Variants in ST14 observed in about 807,000 individuals in gnomAD.
The protein encoded by ST14 is suppressor of tumorigenicity 14 protein.
A neutral mutation model predicts 96.5 loss-of-function variants in ST14; 40 were observed. That is an observed-to-expected ratio of 0.41 (90% CI 0.32 to 0.54). The LOEUF is 0.54. ST14 is among the 20% of genes least tolerant of loss of function. The pLI is 0.17. For missense variants in ST14, 1,066 were observed against 1,188.9 expected, an observed-to-expected ratio of 0.90 and a Z score of 1.52; for synonymous variants, 506 against 492.1, an observed-to-expected ratio of 1.03 and a Z score of -0.37.
At position 130,188,004 on chromosome 11, in the gene ST14, C is replaced by T; in HGVS notation, c.82-110C>T. On this transcript the variant is annotated intron_variant, in intron 1 of 18. Coordinates refer to ENST00000278742, the MANE Select transcript of ST14 (RefSeq NM_021978.4). This position sits in a 1 kb window ranked among gnomAD's most constrained non-coding sequence, Gnocchi z 5.4. ...AAGCCCCCTTCTTCTCACCCAAGCC[C>T]CTGCTTTCTTCTCCAAGCTGGACCT... 1 of 1,478,698 alleles carries T rather than the reference C, an allele frequency of 6.8e-7. No homozygotes were observed. The highest frequency in any genetic ancestry group is 1.2e-5 in the South Asian group (1 of 82,118). 91.6% of individuals were successfully genotyped at this position (1,478,698 alleles called of 1,614,324 possible).
chr11:130,191,633 T>G (rs536244479), intron 7 of ST14, among the ~76,000 whole-genome samples: 1 of 139,874 alleles, frequency 7.1e-6, no homozygotes, highest in Non-Finnish European at 1.5e-5. Context: ...GAGGTTGCAG[T>G]GAGCCGAGAT....
chr11:130,184,170 G>A (rs1459505841), intron 1 of ST14, among the ~76,000 whole-genome samples: 5 of 152,190 alleles, frequency 3.3e-5, no homozygotes, highest in African/African-American at 7.2e-5. Flanking sequence ...TGAAGGAGAC[G>A]GACACGGGCA....
At chr11:130,205,286 C>T (rs534149927) in intron 16 of ST14, among the ~76,000 whole-genome samples, 3 of 152,116 alleles carry the variant, frequency 2.0e-5, no homozygotes, top group Non-Finnish European at 4.4e-5. Context: ...GCCACCTTGC[C>T]CGGCTAAATT....
At chr11:130,184,029 G>A (rs1314053913) in intron 1 of ST14, among the ~76,000 whole-genome samples, 1 of 152,216 alleles carries the variant, frequency 6.6e-6, no homozygotes, top group Non-Finnish European at 1.5e-5. Context: ...GAAGCCAGAT[G>A]GAAGAGTGCA....
chr11:130,196,745 G>T (rs371365017), intron 11 of ST14, 45 bp downstream of exon 11: 52 of 1,613,496 alleles, frequency 3.2e-5, no homozygotes, highest in Non-Finnish European at 4.4e-5. Context: ...GGCCTGCACC[G>T]CATGTTCTGT....
chr11:130,160,066 C>T lies in ST14; in HGVS notation c.81+6C>T. 6 of 1,424,636 alleles carry T rather than the reference C, an allele frequency of 4.2e-6. No homozygotes were observed. The highest frequency in any genetic ancestry group is 1.5e-5 in the South Asian group (1 of 68,346). The allele number at this position is 1,424,636 out of a possible 1,614,324, so 88.2% of individuals were successfully genotyped here. A position where few individuals can be genotyped will look rare whatever the true frequency, so the allele number is the denominator to read the frequency against. On this transcript the variant is annotated splice_donor_region_variant and intron_variant, in intron 1 of 18. Coordinates refer to ENST00000278742, the MANE Select transcript of ST14 (RefSeq NM_021978.4). ...AGTACAACTCCCGGCACGAGGTGAG[C>T]GCGGGCCGGGGACCCGGGGCGCTGG...
chr11:130,170,550 G>A (rs1026323953), intron 1 of ST14, among the ~76,000 whole-genome samples: 1 of 152,126 alleles, frequency 6.6e-6, no homozygotes, highest in Non-Finnish European at 1.5e-5. Flanking sequence ...GGTCCCGGGA[G>A]GATTCCTGGC....
intron 16 of ST14, among the ~76,000 whole-genome samples, chr11:130,202,421 T>C (rs1371927878): frequency 6.6e-6 from 1 of 152,164 alleles, no homozygotes; most frequent in Non-Finnish European, 1.5e-5. Context: ...GTGGCAGGGC[T>C]GTGTCCAGGC....
Position 130,167,218 on chromosome 11 carries a change from A to T in ST14, c.81+7158A>T, listed in dbSNP as rs149369242. ...AGAGCGAGACTCTGTCTCAAAAAAA[A>T]TTTTTTTTAATAAAAATGACACAAA... is the stretch of plus-strand genomic sequence containing the variant. On this transcript the variant is annotated intron_variant, in intron 1 of 18. Coordinates refer to ENST00000278742, the MANE Select transcript of ST14 (RefSeq NM_021978.4). 3.8e-3 allele frequency among the ~76,000 whole-genome samples: 583 copies of T among 152,262 alleles called. 2 individuals are homozygous for T. Among genetic ancestry groups the T allele is most frequent in the African/African-American group, 0.012 (516 of 41,558 alleles).
intron 9 of ST14, 35 bp from the exon 10 acceptor site, chr11:130,196,304 G>A (rs1471567066): frequency 1.3e-6 from 2 of 1,521,356 alleles, no homozygotes; most frequent in Admixed American, 3.9e-5. Context: ...GGAGGGAGGG[G>A]AACTGCACAT....
chr11:130,161,563 G>T (rs1402591316), intron 1 of ST14, among the ~76,000 whole-genome samples: 4 of 151,990 alleles, frequency 2.6e-5, no homozygotes, highest in South Asian at 4.1e-4. Context: ...AAGCAGCCAG[G>T]CTGGGGCTCA....
intron 1 of ST14, among the ~76,000 whole-genome samples, chr11:130,175,041 G>A (rs895016267): frequency 6.6e-6 from 1 of 152,240 alleles, no homozygotes; most frequent in African/African-American, 2.4e-5. Context: ...TCATGTAGGA[G>A]AACTGCAGGT....
intron 9 of ST14, 26 bp from the exon 10 acceptor site, chr11:130,196,313 A>T: frequency 1.3e-6 from 2 of 1,547,000 alleles, no homozygotes; most frequent in Non-Finnish European, 1.8e-6. Context: ...GGAACTGCAC[A>T]TTCCCAGCAG....
intron 8 of ST14, 39 bp downstream of exon 8, chr11:130,194,327 C>T (rs754969986): frequency 3.7e-6 from 6 of 1,613,338 alleles, no homozygotes; most frequent in Middle Eastern, 1.6e-4. Context: ...GCCCTCGGGC[C>T]ACAGAGAAGG....
chr11:130,169,092 G>GTTTTTTT (rs59747710), intron 1 of ST14, among the ~76,000 whole-genome samples: 4 of 112,320 alleles, frequency 3.6e-5, no homozygotes, highest in African/African-American at 8.4e-5. Context: ...AATATAATGG[G>GTTTTTTT]TTTTTTTTTT....
In ST14 at chr11:130,194,704, C is replaced by A; in HGVS notation, c.1080C>A (p.Tyr360Ter). The A allele has an allele frequency of 6.2e-7, 1 of 1,614,190 alleles. No homozygotes were observed. The highest frequency in any genetic ancestry group is 1.6e-4 in the Middle Eastern group (1 of 6,062). The change falls in exon 9 of 19, where the codon TAC becomes TAA. Residue 360 changes from tyrosine to a stop codon, truncating the protein, a stop_gained. Transcript: ENST00000278742. LOFTEE classifies it high-confidence loss of function. Reference protein sequence around the residue: ...TFNSPYYPGHYPPNIDCTWNI... With the variant: ...TFNSPYYPGH ...ACAGCCCCTACTACCCAGGCCACTA[C>A]CCACCCAACATTGACTGCACATGGA...
At chr11:130,197,677 C>G (rs1295833355) in intron 11 of ST14, among the ~76,000 whole-genome samples, 164 bp from the exon 12 acceptor site, 1 of 152,250 alleles carries the variant, frequency 6.6e-6, no homozygotes, top group African/African-American at 2.4e-5. Flanking sequence ...GCAGGAACCC[C>G]TTTGTCACAG....
In ST14 at chr11:130,209,862, C is replaced by T. The variant is rs375993002; in HGVS notation, c.*39C>T. ...CCAAATGTGTACACCTGCGGGGCCA[C>T]CCATCGTCCACCCCAGTGTGCACGC... On this transcript the variant is annotated 3_prime_UTR_variant, in exon 19 of 19. Coordinates refer to ENST00000278742, the MANE Select transcript of ST14 (RefSeq NM_021978.4). 19 of 1,608,612 alleles carry T rather than the reference C, an allele frequency of 1.2e-5. No homozygotes were observed. The African/African-American group carries it at 2.0e-4, about 17-fold the overall frequency.
rs547694209 is a variant in ST14 at position 130,210,128 on chromosome 11, T to G, written c.*305T>G. On this transcript the variant is annotated 3_prime_UTR_variant, in exon 19 of 19. Coordinates refer to ENST00000278742, the MANE Select transcript of ST14 (RefSeq NM_021978.4). ...GGGCCGAGGCGCGTTTGTGCATATC[T>G]GCCTCCCCTGTCTCTAAGGAGCAGC... is the stretch of plus-strand genomic sequence containing the variant. 3.4e-4 allele frequency: 119 copies of G among 352,630 alleles called. 1 individual carries two copies. Among genetic ancestry groups the G allele is most frequent in the African/African-American group, 2.4e-3 (115 of 48,344 alleles). The allele number at this position is 352,630 out of a possible 1,614,324, so 21.8% of individuals were successfully genotyped here.
Sources: allele counts gnomAD v4.1 joint callset (sites outside exome capture counted in the v4.1 genomes callset), GRCh38; gene constraint gnomAD v4.1.1; non-coding constraint Gnocchi (gnomAD v3.1); transcripts MANE v1.5; gene names NCBI Gene and HGNC (gene_info 2026-07-23, HGNC 2026-07-21).